Variants in SPON1 observed in about 807,000 individuals in gnomAD.
The protein encoded by SPON1 is spondin-1.
A neutral mutation model predicts 111.7 loss-of-function variants in SPON1; 52 were observed. The ratio of observed to expected loss-of-function variants is 0.47; its 90% CI spans 0.37 to 0.59. The LOEUF is 0.59. Among genes scored for constraint, SPON1 ranks in the 20% least tolerant of loss-of-function variants. SPON1 has a pLI of 0.00. For synonymous variants in SPON1, 410 were observed against 395.8 expected (o/e 1.04, Z -0.43); for missense variants, 957 against 1,068.5 (o/e 0.90, Z 1.46).
chr11:14,253,398 T>C (rs1278783175), intron 7 of SPON1, among the ~76,000 whole-genome samples: 1 of 152,236 alleles, frequency 6.6e-6, no homozygotes, highest in Non-Finnish European at 1.5e-5. Flanking sequence ...AGTAGACGTA[T>C]GTGATCACCA....
intron 6 of SPON1, among the ~76,000 whole-genome samples, chr11:14,172,150 G>T (rs1394491430): frequency 6.6e-6 from 1 of 151,950 alleles, no homozygotes; most frequent in African/African-American, 2.4e-5. Flanking sequence ...GGTCACTAAG[G>T]ACTTGCTTTA....
chr11:14,009,429 A>G (rs1210027694), intron 2 of SPON1, among the ~76,000 whole-genome samples: 1 of 152,154 alleles, frequency 6.6e-6, no homozygotes, highest in African/African-American at 2.4e-5. Flanking sequence ...CCTCTGCCCC[A>G]ACCCAACTTT....
At chr11:14,265,467 A>G in intron 15 of SPON1, 57 bp from the exon 16 acceptor site, 1 of 1,550,676 alleles carries the variant, frequency 6.4e-7, no homozygotes, top group Non-Finnish European at 8.7e-7. Context: ...ACTAGAGTTC[A>G]GCATCCCTGT....
At chr11:14,034,080 A>T (rs1848577367) in intron 2 of SPON1, among the ~76,000 whole-genome samples, 1 of 152,232 alleles carries the variant, frequency 6.6e-6, no homozygotes, top group African/African-American at 2.4e-5. Context: ...AGGAGGCTGA[A>T]GCGAGAGGAT....
chr11:14,052,293 G>A (rs1848713486), intron 3 of SPON1, among the ~76,000 whole-genome samples: 1 of 152,146 alleles, frequency 6.6e-6, no homozygotes, highest in Non-Finnish European at 1.5e-5. Context: ...AATTTCGTAG[G>A]GCTCACTAAC....
intron 6 of SPON1, among the ~76,000 whole-genome samples, chr11:14,191,296 G>T (rs1030254266): frequency 6.6e-6 from 1 of 152,154 alleles, no homozygotes; most frequent in Non-Finnish European, 1.5e-5. Flanking sequence ...GGAAGCACTC[G>T]TAGGTTATGT....
intron 6 of SPON1, among the ~76,000 whole-genome samples, chr11:14,184,382 A>C (rs1398856909): frequency 6.6e-6 from 1 of 152,222 alleles, no homozygotes; most frequent in Non-Finnish European, 1.5e-5. Context: ...CCTTTGTGGA[A>C]TGAGGCAAGA....
intron 6 of SPON1, among the ~76,000 whole-genome samples, chr11:14,184,657 C>G (rs529488662): frequency 1.3e-5 from 2 of 152,262 alleles, no homozygotes; most frequent in Non-Finnish European, 2.9e-5. Context: ...CTTTGTCTTC[C>G]CTGGCTCTGA....
intron 5 of SPON1, among the ~76,000 whole-genome samples, chr11:14,130,371 G>A (rs1322428164): frequency 1.3e-5 from 2 of 152,160 alleles, no homozygotes; most frequent in Non-Finnish European, 2.9e-5. Flanking sequence ...TTGGAAAAGG[G>A]GGAAACATGA....
intron 2 of SPON1, among the ~76,000 whole-genome samples, chr11:13,988,352 T>A (rs1343900396): frequency 6.6e-6 from 1 of 152,182 alleles, no homozygotes; most frequent in Non-Finnish European, 1.5e-5. Flanking sequence ...TGGCTCTCTG[T>A]TTGTCTGTTA....
intron 2 of SPON1, among the ~76,000 whole-genome samples, chr11:14,031,756 C>T (rs1848560743): frequency 1.3e-5 from 2 of 152,042 alleles, no homozygotes; most frequent in South Asian, 4.2e-4. Flanking sequence ...TTTAAAAAAT[C>T]TATATTGAAA....
intron 6 of SPON1, among the ~76,000 whole-genome samples, chr11:14,161,320 T>G (rs1847961710): frequency 7.3e-6 from 1 of 137,896 alleles, no homozygotes; most frequent in African/African-American, 2.7e-5. Context: ...TTTATATCTA[T>G]ATATTTATAT....
intron 5 of SPON1, among the ~76,000 whole-genome samples, chr11:14,093,420 A>G (rs1194764569): frequency 6.6e-6 from 1 of 152,222 alleles, no homozygotes; most frequent in Non-Finnish European, 1.5e-5. Context: ...TATCCCATAG[A>G]GACCCTTTAA....
At chr11:14,042,879 C>G (rs1848642704) in intron 3 of SPON1, among the ~76,000 whole-genome samples, 1 of 152,310 alleles carries the variant, frequency 6.6e-6, no homozygotes, top group South Asian at 2.1e-4. Flanking sequence ...CCAGACTCAC[C>G]CGTCATTGTC....
intron 6 of SPON1, among the ~76,000 whole-genome samples, chr11:14,234,846 G>A (rs1848844217): frequency 6.6e-6 from 1 of 152,254 alleles, no homozygotes; most frequent in South Asian, 2.1e-4. Flanking sequence ...AAATGCTTCT[G>A]TGCAAACGCA....
At chr11:13,986,392 A>G (rs945763971) in intron 2 of SPON1, among the ~76,000 whole-genome samples, 8 of 152,226 alleles carry the variant, frequency 5.3e-5, no homozygotes, top group African/African-American at 1.9e-4. Context: ...CATAATATTT[A>G]ACATATTTGT....
At chr11:13,988,222 T>A (rs1378374729) in intron 2 of SPON1, among the ~76,000 whole-genome samples, 1 of 152,066 alleles carries the variant, frequency 6.6e-6, no homozygotes, top group African/African-American at 2.4e-5. Flanking sequence ...GTCCTCTCTT[T>A]TGTCCTTGAG....
chr11:14,063,364 A>G (rs959826913), intron 3 of SPON1, among the ~76,000 whole-genome samples: 8 of 152,126 alleles, frequency 5.3e-5, no homozygotes, highest in Non-Finnish European at 1.5e-5. Flanking sequence ...TTTCCACATT[A>G]TTCACTAAGA....
rs149080184 is a variant in SPON1, at chr11:14,267,091, G to A, written c.*1404G>A. The stretch of plus-strand genomic sequence containing the variant: ...GTACCATTGGTGAGACACATACAAT[G>A]CTCTGAATACACTACGAATTTGTAT... On this transcript the variant is annotated 3_prime_UTR_variant, in exon 16 of 16. Transcript: ENST00000576479. 14 of 152,266 alleles carry A rather than the reference G, an allele frequency of 9.2e-5. No individual in the cohort carries two copies. In the East Asian group the frequency reaches 2.7e-3, roughly 29 times the overall value. The allele number at this position is 152,266 out of a possible 1,614,324, so 9.4% of individuals were successfully genotyped here. A position where few individuals can be genotyped will look rare whatever the true frequency, so the allele number is the denominator to read the frequency against.
Sources: allele counts gnomAD v4.1 joint callset (sites outside exome capture counted in the v4.1 genomes callset), GRCh38; gene constraint gnomAD v4.1.1; transcripts MANE v1.5; gene names NCBI Gene and HGNC (gene_info 2026-07-23, HGNC 2026-07-21).